Variants in CTNNA3 observed in about 807,000 individuals in gnomAD.
The protein encoded by CTNNA3 is catenin alpha 3.
Under a neutral mutation model 95.7 loss-of-function variants are expected in CTNNA3, and 76 were observed. The ratio of observed to expected loss-of-function variants is 0.79; its 90% CI spans 0.66 to 0.96. The LOEUF (loss-of-function observed/expected upper bound fraction) is 0.96, where lower values mean the gene tolerates loss of function less well. Ranked by LOEUF, CTNNA3 falls within the 40% of genes least tolerant of loss-of-function variation. The probability of loss-of-function intolerance (pLI) is 0.00; values close to 1 mark genes in which losing one functional copy is unlikely to be tolerated. For synonymous variants in CTNNA3, 431 were observed against 374.4 expected, an observed-to-expected ratio of 1.15 and a Z score of -1.74; for missense variants, 1,191 against 1,089.8, an observed-to-expected ratio of 1.09 and a Z score of -1.31.
chr10:66,526,244 G>A (rs1055471714), intron 10 of CTNNA3, among the ~76,000 whole-genome samples: 18 of 152,026 alleles, frequency 1.2e-4, no homozygotes, highest in South Asian at 2.1e-4. Flanking sequence ...GGAGTGTAGC[G>A]GCTCAATCTC....
chr10:67,182,840 A>C (rs553692219), intron 6 of CTNNA3, among the ~76,000 whole-genome samples: 18 of 152,342 alleles, frequency 1.2e-4, no homozygotes, highest in Non-Finnish European at 2.2e-4. Flanking sequence ...ACACATTTAC[A>C]AGAAAAAAAC....
chr10:67,608,330 G>A (rs1843347655), intron 2 of CTNNA3, among the ~76,000 whole-genome samples: 1 of 152,094 alleles, frequency 6.6e-6, no homozygotes, highest in African/African-American at 2.4e-5. Context: ...TCTTAATGTA[G>A]ATTGCTGGCT....
intron 13 of CTNNA3, among the ~76,000 whole-genome samples, chr10:66,187,825 A>G (rs2086423128): frequency 6.6e-6 from 1 of 152,172 alleles, no homozygotes; most frequent in Admixed American, 6.6e-5. Flanking sequence ...AAATTATATT[A>G]TTTAAGATGT....
chr10:66,305,832 A>T (rs2091926213), intron 12 of CTNNA3, among the ~76,000 whole-genome samples: 1 of 152,206 alleles, frequency 6.6e-6, no homozygotes, highest in East Asian at 1.9e-4. Flanking sequence ...ATAGTTAAGT[A>T]CTTAATAAAG....
intron 11 of CTNNA3, among the ~76,000 whole-genome samples, chr10:66,482,073 C>A (rs1043032874): frequency 6.6e-6 from 1 of 152,090 alleles, no homozygotes; most frequent in Non-Finnish European, 1.5e-5. Context: ...AAGATATATT[C>A]TAGCTGAAAG....
intron 17 of CTNNA3, among the ~76,000 whole-genome samples, chr10:65,953,207 C>A (rs1212407018): frequency 1.3e-5 from 2 of 152,170 alleles, no homozygotes; most frequent in African/African-American, 4.8e-5. Context: ...GATGAAGAAT[C>A]TGCTCCCTGA....
intron 12 of CTNNA3, among the ~76,000 whole-genome samples, chr10:66,326,038 T>G (rs1333283529): frequency 6.6e-6 from 1 of 152,132 alleles, no homozygotes; most frequent in East Asian, 1.9e-4. Context: ...TGATGCAAAC[T>G]TTAGAGAACT....
chr10:67,431,723 A>G (rs1211961725), intron 5 of CTNNA3, among the ~76,000 whole-genome samples: 1 of 151,994 alleles, frequency 6.6e-6, no homozygotes, highest in Non-Finnish European at 1.5e-5. Flanking sequence ...CTCTTGTTTA[A>G]GAGACACAGG....
chr10:66,570,820 G>T (rs925488000), intron 10 of CTNNA3, among the ~76,000 whole-genome samples: 2 of 151,834 alleles, frequency 1.3e-5, no homozygotes, highest in Non-Finnish European at 2.9e-5. Context: ...AAAGAAAGAA[G>T]AAAAAAACAA....
At chr10:66,588,049 G>A (rs1303115019) in intron 10 of CTNNA3, among the ~76,000 whole-genome samples, 1 of 152,194 alleles carries the variant, frequency 6.6e-6, no homozygotes, top group Admixed American at 6.5e-5. Context: ...GAGGTCCCCT[G>A]TGAGGTAGGA....
At position 66,739,967 on chromosome 10, in the gene CTNNA3, T is replaced by C. The variant is rs548105598; in HGVS notation, c.1281+26297A>G. Among the ~76,000 whole-genome samples, 6 of 152,272 alleles carry C rather than the reference T, an allele frequency of 3.9e-5. No homozygotes were observed. In the East Asian group the frequency reaches 9.7e-4, roughly 24 times the overall value. On this transcript the variant is annotated intron_variant, in intron 9 of 17. Coordinates refer to ENST00000433211, the MANE Select transcript of CTNNA3 (RefSeq NM_013266.4). ...AGAACAAAGCCCTCCTGAGACAACA[T>C]TAAGCACGTGCAAGATAACGTGGGA...
intron 7 of CTNNA3, among the ~76,000 whole-genome samples, chr10:67,078,426 G>T (rs1856849645): frequency 6.6e-6 from 1 of 151,590 alleles, no homozygotes; most frequent in African/African-American, 2.4e-5. Context: ...TTTGAGAGAG[G>T]GACCAACAAA....
chr10:66,684,130 A>G (rs556810571), intron 9 of CTNNA3, among the ~76,000 whole-genome samples: 2 of 152,212 alleles, frequency 1.3e-5, no homozygotes, highest in East Asian at 3.9e-4. Context: ...CTAAACCAGC[A>G]GTTCTCAGTT....
intron 9 of CTNNA3, among the ~76,000 whole-genome samples, chr10:66,708,532 A>G (rs1296966878): frequency 6.6e-6 from 1 of 151,748 alleles, no homozygotes; most frequent in African/African-American, 2.4e-5. Flanking sequence ...GTAGGACCCT[A>G]TCTCCAAATG....
At chr10:67,029,202 C>A (rs931562230) in intron 7 of CTNNA3, among the ~76,000 whole-genome samples, 14 of 152,138 alleles carry the variant, frequency 9.2e-5, no homozygotes, top group African/African-American at 3.4e-4. Flanking sequence ...ATATTAGCAG[C>A]TATTTGAAAA....
intron 7 of CTNNA3, among the ~76,000 whole-genome samples, chr10:66,992,305 G>T (rs746307975): frequency 4.3e-4 from 65 of 151,832 alleles, no homozygotes; most frequent in Non-Finnish European, 9.4e-4. Flanking sequence ...TTTGTCCTTT[G>T]GTTTTGCACT....
At chr10:66,939,305 TTC>T (rs1476650584) in intron 7 of CTNNA3, among the ~76,000 whole-genome samples, 8 of 152,298 alleles carry the variant, frequency 5.3e-5, no homozygotes, top group African/African-American at 1.9e-4. Flanking sequence ...ACATTTCTTT[TTC>T]TCTTTCTCAT....
chr10:67,293,905 C>T (rs1839934284), intron 5 of CTNNA3, among the ~76,000 whole-genome samples: 1 of 152,000 alleles, frequency 6.6e-6, no homozygotes, highest in Non-Finnish European at 1.5e-5. Flanking sequence ...TTTTCTTAAT[C>T]CAGTCTCTCA....
chr10:67,122,631 A>G (rs1436905842), intron 7 of CTNNA3, among the ~76,000 whole-genome samples: 1 of 152,120 alleles, frequency 6.6e-6, no homozygotes, highest in Admixed American at 6.6e-5. Flanking sequence ...AAAACAAAGG[A>G]GCATTATTAC....
Sources: allele counts gnomAD v4.1 joint callset (sites outside exome capture counted in the v4.1 genomes callset), GRCh38; gene constraint gnomAD v4.1.1; transcripts MANE v1.5; gene names NCBI Gene and HGNC (gene_info 2026-07-23, HGNC 2026-07-21).